SNTG1: variants seen among roughly 807,000 people sequenced by gnomAD.
SNTG1 encodes gamma-1-syntrophin.
A neutral mutation model predicts 74.7 loss-of-function variants in SNTG1; 39 were observed. That is an observed-to-expected ratio of 0.52 (90% CI 0.40 to 0.68). The LOEUF (loss-of-function observed/expected upper bound fraction) is 0.68, where lower values mean the gene tolerates loss of function less well. Ranked by LOEUF, SNTG1 falls within the 30% of genes least tolerant of loss-of-function variation. SNTG1 has a pLI of 0.00. For missense variants in SNTG1, 685 were observed against 609.5 expected (o/e 1.12, Z -1.30); for synonymous variants, 254 against 217.1 (o/e 1.17, Z -1.49).
At chr8:50,686,724 A>G (rs907284959) in intron 15 of SNTG1, among the ~76,000 whole-genome samples, 2 of 152,182 alleles carry the variant, frequency 1.3e-5, no homozygotes, top group Non-Finnish European at 2.9e-5. Flanking sequence ...AAGTAGTTTT[A>G]TGCAATCAAA....
At chr8:50,326,365 T>G (rs1356748754) in intron 2 of SNTG1, among the ~76,000 whole-genome samples, 1 of 152,060 alleles carries the variant, frequency 6.6e-6, no homozygotes, top group Non-Finnish European at 1.5e-5. Flanking sequence ...TCAATTTCTT[T>G]TATAGATATA....
intron 1 of SNTG1, among the ~76,000 whole-genome samples, chr8:50,038,792 C>T (rs1337200155): frequency 1.3e-5 from 2 of 152,198 alleles, no homozygotes; most frequent in Non-Finnish European, 2.9e-5. Context: ...ACATTTGATG[C>T]TCTCTTATAA....
chr8:50,495,767 G>T (rs771104155), intron 8 of SNTG1, among the ~76,000 whole-genome samples: 12 of 152,126 alleles, frequency 7.9e-5, no homozygotes, highest in Non-Finnish European at 1.3e-4. Context: ...AGTTGTGAAT[G>T]TATATACCTG....
At chr8:50,669,251 G>C (rs894143831) in intron 15 of SNTG1, among the ~76,000 whole-genome samples, 5 of 151,900 alleles carry the variant, frequency 3.3e-5, no homozygotes, top group Admixed American at 6.6e-5. Flanking sequence ...GTGAATCCAG[G>C]AGATGGTTTT....
At position 49,920,426 on chromosome 8, in the gene SNTG1, G is replaced by A. The variant is rs551202710; in HGVS notation, c.-103+8195G>A. Among the ~76,000 whole-genome samples the A allele has an allele frequency of 9.0e-4, 137 of 152,050 alleles. 1 individual carries two copies. In the South Asian group the frequency reaches 0.013, roughly 15 times the overall value. On this transcript the variant is annotated intron_variant, in intron 1 of 18. Coordinates refer to ENST00000642720, the MANE Select transcript of SNTG1 (RefSeq NM_018967.5). ...CTTCTCTATAGATTAAGTCAAAATT[G>A]AGATTTAGGATCAATATTTAATGCT...
intron 1 of SNTG1, among the ~76,000 whole-genome samples, chr8:50,019,430 A>G (rs1247574505): frequency 6.6e-6 from 1 of 152,058 alleles, no homozygotes; most frequent in Non-Finnish European, 1.5e-5. Context: ...AGAACAGTGT[A>G]TTAGTTGAGT....
At chr8:50,676,051 G>A (rs186093916) in intron 15 of SNTG1, among the ~76,000 whole-genome samples, 56 of 152,056 alleles carry the variant, frequency 3.7e-4, no homozygotes, top group African/African-American at 1.0e-3. Context: ...TTTCTCTCTG[G>A]CTGCCCTTAG....
intron 2 of SNTG1, among the ~76,000 whole-genome samples, chr8:50,257,029 G>C (rs1419823190): frequency 6.6e-6 from 1 of 151,900 alleles, no homozygotes; most frequent in African/African-American, 2.4e-5. Flanking sequence ...CCCCTCTTAG[G>C]AGTTCAGTTT....
At chr8:50,587,375 T>C (rs2094657259) in intron 12 of SNTG1, among the ~76,000 whole-genome samples, 1 of 152,186 alleles carries the variant, frequency 6.6e-6, no homozygotes, top group Non-Finnish European at 1.5e-5. Flanking sequence ...TAAGCATTTG[T>C]AATGAATGCA....
chr8:50,701,819 TCTCCTCCTC>T (rs748825249), intron 15 of SNTG1, among the ~76,000 whole-genome samples: 17 of 144,392 alleles, frequency 1.2e-4, no homozygotes, highest in African/African-American at 4.0e-4. Flanking sequence ...TTCTTCTTCT[TCTCCTCCTC>T]CTCCTCCTCC....
At position 50,751,411 on chromosome 8, in the gene SNTG1, T is replaced by C. The variant is rs1216660948; in HGVS notation, c.1285-590T>C. On this transcript the variant is annotated intron_variant, in intron 17 of 18. Transcript: ENST00000642720. ...AATTTCACCTTTTATATCTCCATTT[T>C]TGTTATTTGGAAAGGCAACAGATTT... Among the ~76,000 whole-genome samples the C allele has an allele frequency of 2.6e-5, 4 of 152,076 alleles. No homozygotes were observed. The East Asian group carries it at 7.8e-4, about 30-fold the overall frequency.
intron 1 of SNTG1, among the ~76,000 whole-genome samples, chr8:49,981,291 A>G (rs768168427): frequency 2.0e-5 from 3 of 152,196 alleles, no homozygotes; most frequent in Non-Finnish European, 4.4e-5. Flanking sequence ...GACCCCTGGG[A>G]AAGACTCATA....
chr8:50,753,369 C>G (rs1310754760), intron 18 of SNTG1, among the ~76,000 whole-genome samples: 2 of 151,904 alleles, frequency 1.3e-5, no homozygotes, highest in East Asian at 3.9e-4. Flanking sequence ...TCTTTCAAAG[C>G]ACAGCACAAA....
chr8:50,503,084 T>A (rs979280948), intron 9 of SNTG1, among the ~76,000 whole-genome samples: 1 of 146,850 alleles, frequency 6.8e-6, no homozygotes, highest in Non-Finnish European at 1.5e-5. Context: ...CACATTACAG[T>A]TTTTTCTAAC....
Position 50,725,095 on chromosome 8 carries a change from G to A in SNTG1, c.1284+16117G>A, listed in dbSNP as rs185000262. 3.1e-3 allele frequency among the ~76,000 whole-genome samples: 477 copies of A among 152,158 alleles called. 6 individuals are homozygous for A. The highest frequency in any genetic ancestry group is 0.022 in the Admixed American group (340 of 15,280). ...GTATATTTCATTTATATGGAGAATC[G>A]TTGGATCAAAATAAAAAGTTATGCA... On this transcript the variant is annotated intron_variant, in intron 17 of 18. Coordinates refer to ENST00000642720, the MANE Select transcript of SNTG1 (RefSeq NM_018967.5).
At chr8:50,208,247 C>T (rs939112601) in intron 2 of SNTG1, among the ~76,000 whole-genome samples, 1 of 152,168 alleles carries the variant, frequency 6.6e-6, no homozygotes, top group African/African-American at 2.4e-5. Context: ...AATCTGTGTG[C>T]TCCTATATTG....
rs187996064 is a variant in SNTG1 at position 49,996,328 on chromosome 8, A to G, written c.-103+84097A>G. Among the ~76,000 whole-genome samples, 13 of 152,168 alleles carry G rather than the reference A, an allele frequency of 8.5e-5. No individual in the cohort carries two copies. In the East Asian group the frequency reaches 2.1e-3, roughly 25 times the overall value. On this transcript the variant is annotated intron_variant, in intron 1 of 18. Coordinates refer to ENST00000642720, the MANE Select transcript of SNTG1 (RefSeq NM_018967.5). ...GGATTGTACCACTCCTTATTATTCA[A>G]TAAGTGTATCAAGGTAAAAAATTAA... is the stretch of plus-strand genomic sequence containing the variant.
intron 2 of SNTG1, among the ~76,000 whole-genome samples, chr8:50,176,588 A>G (rs2083007742): frequency 6.6e-6 from 1 of 152,192 alleles, no homozygotes. Context: ...TAGACTGGAA[A>G]AAAAAGAGTG....
At chr8:50,085,844 C>T (rs191477553) in intron 1 of SNTG1, among the ~76,000 whole-genome samples, 1 of 152,320 alleles carries the variant, frequency 6.6e-6, no homozygotes, top group Admixed American at 6.5e-5. Context: ...TCTTATAACA[C>T]ACACTGATGC....
Sources: gnomAD v4.1 joint callset for allele counts (sites outside exome capture counted in the v4.1 genomes callset) on GRCh38, gnomAD v4.1.1 for gene constraint, MANE v1.5 for transcripts, NCBI Gene and HGNC (gene_info 2026-07-23, HGNC 2026-07-21) for gene names.